Variants in ERBB4 observed in about 807,000 individuals in gnomAD.
The protein encoded by ERBB4 is erb-b2 receptor tyrosine kinase 4.
A neutral mutation model predicts 158.0 loss-of-function variants in ERBB4; 42 were observed. That is an observed-to-expected ratio of 0.27 (90% CI 0.21 to 0.34). The LOEUF is 0.34. Ranked by LOEUF, ERBB4 falls within the 10% of genes least tolerant of loss-of-function variation. The probability of loss-of-function intolerance (pLI) is 1.00; values close to 1 mark genes in which losing one functional copy is unlikely to be tolerated. For missense variants in ERBB4, 1,333 were observed against 1,624.1 expected (o/e 0.82, Z 3.08); for synonymous variants, 583 against 558.7 (o/e 1.04, Z -0.61).
intron 1 of ERBB4, among the ~76,000 whole-genome samples, chr2:212,501,424 A>G (rs116634878): frequency 0.012 from 1,888 of 152,282 alleles, 42 homozygotes; most frequent in African/African-American, 0.043. Flanking sequence ...TTGATTAGGC[A>G]GAAATTATTA....
At position 212,300,624 on chromosome 2, in the gene ERBB4, G is replaced by A. The variant is rs185513097; in HGVS notation, c.83-175721C>T. Reference sequence around the variant, plus strand: ...AATCGAGATGTGATAAGAGGAGTGGGGTGACGGGAACCACTTATTCACCAC... The same window carrying A: ...AATCGAGATGTGATAAGAGGAGTGGAGTGACGGGAACCACTTATTCACCAC... On this transcript the variant is annotated intron_variant, in intron 1 of 27. Transcript: ENST00000342788. 1.5e-4 allele frequency among the ~76,000 whole-genome samples: 22 copies of A among 151,424 alleles called. No individual in the cohort carries two copies. The East Asian group carries it at 3.7e-3, about 26-fold the overall frequency.
intron 1 of ERBB4, among the ~76,000 whole-genome samples, chr2:212,170,879 G>A (rs182879846): frequency 6.6e-6 from 1 of 152,104 alleles, no homozygotes; most frequent in African/African-American, 2.4e-5. Flanking sequence ...CCTCTGCTAG[G>A]GCAGTGTGAA....
At chr2:212,271,075 C>A (rs1042876565) in intron 1 of ERBB4, among the ~76,000 whole-genome samples, 7 of 151,710 alleles carry the variant, frequency 4.6e-5, no homozygotes, top group Non-Finnish European at 1.0e-4. Flanking sequence ...ATTCTAGTAT[C>A]CTATTTTATC....
In ERBB4 at chr2:212,170,936, C is replaced by A. The variant is rs145491155; in HGVS notation, c.83-46033G>T. On this transcript the variant is annotated intron_variant, in intron 1 of 27. Coordinates refer to ENST00000342788, the MANE Select transcript of ERBB4 (RefSeq NM_005235.3). Reference sequence around the variant, plus strand: ...CCCTCACAGATTCCCCACCAGGGCACTGCCTAGTGGAGCTGTAAGAAGAGG... The same window carrying A: ...CCCTCACAGATTCCCCACCAGGGCAATGCCTAGTGGAGCTGTAAGAAGAGG... 2.7e-3 allele frequency among the ~76,000 whole-genome samples: 411 copies of A among 152,236 alleles called. 4 individuals are homozygous for A. Among genetic ancestry groups the A allele is most frequent in the African/African-American group, 9.4e-3 (391 of 41,552 alleles).
chr2:212,191,853 A>G (rs1168290156), intron 1 of ERBB4, among the ~76,000 whole-genome samples: 1 of 127,632 alleles, frequency 7.8e-6, no homozygotes, highest in East Asian at 2.2e-4. Flanking sequence ...CATGTTATAT[A>G]TGTTCTATAT....
chr2:212,103,855 G>C (rs2079151991), intron 2 of ERBB4, among the ~76,000 whole-genome samples: 2 of 151,964 alleles, frequency 1.3e-5, no homozygotes, highest in African/African-American at 4.8e-5. Context: ...TAAATTCACT[G>C]TCATTTTGTG....
intron 1 of ERBB4, among the ~76,000 whole-genome samples, chr2:212,503,080 C>T (rs1690984661): frequency 6.6e-6 from 1 of 152,180 alleles, no homozygotes; most frequent in African/African-American, 2.4e-5. Context: ...TGGCCTCAGA[C>T]TTTCACCAGG....
intron 12 of ERBB4, among the ~76,000 whole-genome samples, chr2:211,699,465 T>C (rs928910838): frequency 2.0e-5 from 3 of 152,174 alleles, no homozygotes; most frequent in Non-Finnish European, 2.9e-5. Context: ...TGAGGTCAAG[T>C]TTACAGGGTA....
At chr2:211,575,303 T>C (rs953322150) in intron 19 of ERBB4, among the ~76,000 whole-genome samples, 4 of 152,166 alleles carry the variant, frequency 2.6e-5, no homozygotes, top group African/African-American at 7.2e-5. Flanking sequence ...CTAACCTTTT[T>C]TGGTATAGAT....
chr2:212,104,422 A>G (rs187516599), intron 2 of ERBB4, among the ~76,000 whole-genome samples: 6 of 152,244 alleles, frequency 3.9e-5, no homozygotes, highest in African/African-American at 1.2e-4. Flanking sequence ...TTTAAATTAA[A>G]TTAGAATTAC....
intron 16 of ERBB4, among the ~76,000 whole-genome samples, chr2:211,644,447 T>A (rs1003793062): frequency 3.8e-5 from 2 of 52,292 alleles, no homozygotes; most frequent in Non-Finnish European, 1.4e-4. Flanking sequence ...CTCCAGATAA[T>A]GTAAGAGAAA....
intron 1 of ERBB4, among the ~76,000 whole-genome samples, chr2:212,248,895 C>A (rs1046297112): frequency 1.3e-5 from 2 of 152,176 alleles, no homozygotes; most frequent in African/African-American, 4.8e-5. Context: ...TCTGAAGCCA[C>A]CTATTAAATA....
intron 1 of ERBB4, among the ~76,000 whole-genome samples, chr2:212,303,626 C>T (rs1403798164): frequency 6.6e-6 from 1 of 151,518 alleles, no homozygotes; most frequent in Non-Finnish European, 1.5e-5. Flanking sequence ...ATTCAAGCCA[C>T]TATATTTTTA....
chr2:212,262,623 T>A (rs2084987636), intron 1 of ERBB4, among the ~76,000 whole-genome samples: 1 of 152,158 alleles, frequency 6.6e-6, no homozygotes, highest in African/African-American at 2.4e-5. Context: ...ACAGTGGATA[T>A]GGCTCTATAC....
chr2:212,066,657 A>C (rs551610773), intron 2 of ERBB4, among the ~76,000 whole-genome samples: 19 of 152,132 alleles, frequency 1.2e-4, no homozygotes, highest in Middle Eastern at 3.4e-3. Flanking sequence ...GAAATAACCA[A>C]ATTTCCTTGT....
At chr2:212,411,750 G>C (rs1212049978) in intron 1 of ERBB4, among the ~76,000 whole-genome samples, 1 of 152,132 alleles carries the variant, frequency 6.6e-6, no homozygotes, top group Non-Finnish European at 1.5e-5. Context: ...CTTTGGTTGA[G>C]ATATTTCTTC....
chr2:211,952,328 G>A (rs1303746888), intron 2 of ERBB4, among the ~76,000 whole-genome samples: 1 of 152,028 alleles, frequency 6.6e-6, no homozygotes, highest in African/African-American at 2.4e-5. Context: ...ATAATGGTAG[G>A]AGTGCTTAAT....
chr2:212,118,720 T>TA (rs1002050824), intron 2 of ERBB4, among the ~76,000 whole-genome samples: 25 of 149,222 alleles, frequency 1.7e-4, no homozygotes, highest in African/African-American at 5.0e-4. Flanking sequence ...AAAGTTTTTT[T>TA]AAAAAAAAAT....
chr2:212,446,180 A>G (rs889277768), intron 1 of ERBB4, among the ~76,000 whole-genome samples: 1 of 152,028 alleles, frequency 6.6e-6, no homozygotes, highest in Non-Finnish European at 1.5e-5. Flanking sequence ...TATGGGTTCA[A>G]GTTGACAACG....
Sources: allele counts gnomAD v4.1 joint callset (sites outside exome capture counted in the v4.1 genomes callset), GRCh38; gene constraint gnomAD v4.1.1; transcripts MANE v1.5; gene names NCBI Gene and HGNC (gene_info 2026-07-23, HGNC 2026-07-21).